ZBTB20: variants seen among roughly 807,000 people sequenced by gnomAD.
The protein encoded by ZBTB20 is zinc finger and BTB domain-containing protein 20.
In ZBTB20, 9 loss-of-function variants were observed where a neutral mutation model predicts 56.9. The observed-to-expected ratio is 0.16, with a 90% CI of 0.10 to 0.28. The LOEUF (loss-of-function observed/expected upper bound fraction) is 0.28. Ranked by LOEUF, ZBTB20 falls within the 10% of genes least tolerant of loss-of-function variation. The pLI, the probability that ZBTB20 is intolerant of heterozygous loss-of-function variation, is 1.00. For synonymous variants in ZBTB20, 417 were observed against 420.7 expected (o/e 0.99, Z 0.11); for missense variants, 655 against 1,003.0 (o/e 0.65, Z 4.69).
At chr3:114,679,353 CA>C (rs2061824805) in intron 6 of ZBTB20, among the ~76,000 whole-genome samples, 1 of 152,138 alleles carries the variant, frequency 6.6e-6, no homozygotes, top group African/African-American at 2.4e-5. Flanking sequence ...AGGCAACCTA[CA>C]AAATGGGAGA....
chr3:115,053,118 A>G (rs2081616157), intron 2 of ZBTB20, among the ~76,000 whole-genome samples: 2 of 152,222 alleles, frequency 1.3e-5, no homozygotes, highest in Middle Eastern at 3.2e-3. Flanking sequence ...TGTTAACCAC[A>G]GATAAAGAAG....
chr3:115,058,675 G>A (rs2081904207), intron 2 of ZBTB20, among the ~76,000 whole-genome samples: 1 of 152,256 alleles, frequency 6.6e-6, no homozygotes, highest in South Asian at 2.1e-4. Context: ...GTTGCAGTAA[G>A]CCACGATGTG....
At chr3:114,508,243 A>G (rs1370563629) in intron 6 of ZBTB20, among the ~76,000 whole-genome samples, 2 of 152,162 alleles carry the variant, frequency 1.3e-5, no homozygotes, top group African/African-American at 2.4e-5. Context: ...AAATCTAATA[A>G]CAGACTCACA....
intron 6 of ZBTB20, among the ~76,000 whole-genome samples, chr3:114,538,788 C>G (rs927836650): frequency 3.9e-5 from 6 of 152,114 alleles, no homozygotes; most frequent in Non-Finnish European, 8.8e-5. Flanking sequence ...TCAAAAGTAA[C>G]TTCTGCTATG....
chr3:115,089,111 G>A (rs2083093881), intron 1 of ZBTB20, among the ~76,000 whole-genome samples: 1 of 151,740 alleles, frequency 6.6e-6, no homozygotes, highest in Non-Finnish European at 1.5e-5. Flanking sequence ...AGTTTAATTA[G>A]CATTTAGTGG....
intron 10 of ZBTB20, among the ~76,000 whole-genome samples, chr3:114,359,696 T>A (rs528127451): frequency 6.6e-6 from 1 of 152,318 alleles, no homozygotes; most frequent in South Asian, 2.1e-4. Context: ...TATACAAAAA[T>A]GAACCAAAGG....
chr3:115,099,477 A>G (rs979725208), intron 1 of ZBTB20, among the ~76,000 whole-genome samples: 1 of 152,182 alleles, frequency 6.6e-6, no homozygotes, highest in Non-Finnish European at 1.5e-5. Context: ...AAGTTAGAAA[A>G]CAGAATACCT....
chr3:114,691,662 A>G (rs2063057815), intron 6 of ZBTB20, among the ~76,000 whole-genome samples: 1 of 152,058 alleles, frequency 6.6e-6, no homozygotes, highest in South Asian at 2.1e-4. Flanking sequence ...CATATTTCTT[A>G]GGTTAAATTT....
At chr3:114,956,333 G>A (rs750050589) in intron 3 of ZBTB20, among the ~76,000 whole-genome samples, 7 of 152,112 alleles carry the variant, frequency 4.6e-5, no homozygotes, top group Admixed American at 3.3e-4. Context: ...AGATGACAGC[G>A]GAAAATCCCC....
intron 6 of ZBTB20, among the ~76,000 whole-genome samples, chr3:114,658,062 T>C (rs2060510600): frequency 6.6e-6 from 1 of 152,124 alleles, no homozygotes; most frequent in Non-Finnish European, 1.5e-5. Context: ...TTTTTAACCT[T>C]AAAAAAATCA....
chr3:115,022,635 A>AAT (rs1452934340), intron 2 of ZBTB20, among the ~76,000 whole-genome samples: 1 of 150,944 alleles, frequency 6.6e-6, no homozygotes, highest in Non-Finnish European at 1.5e-5. Context: ...ATCTACTCCA[A>AAT]TTTGTTGTCC....
chr3:115,133,036 A>T (rs901390523), intron 1 of ZBTB20, among the ~76,000 whole-genome samples: 1 of 152,112 alleles, frequency 6.6e-6, no homozygotes, highest in Admixed American at 6.5e-5. Flanking sequence ...TTTACTATAT[A>T]ATCTTTAACA....
chr3:114,343,513 T>A (rs1009360667), intron 11 of ZBTB20, among the ~76,000 whole-genome samples: 1 of 152,086 alleles, frequency 6.6e-6, no homozygotes, highest in Non-Finnish European at 1.5e-5. Flanking sequence ...GGGTGCTTGA[T>A]GAGACAGCAG....
chr3:114,563,355 C>G (rs570290392), intron 6 of ZBTB20, among the ~76,000 whole-genome samples: 136 of 152,262 alleles, frequency 8.9e-4, no homozygotes, highest in African/African-American at 3.3e-3. Context: ...AAATAAGGTA[C>G]ATTATTAGCC....
chr3:114,932,863 A>G (rs1052808462), intron 3 of ZBTB20, among the ~76,000 whole-genome samples: 2 of 152,192 alleles, frequency 1.3e-5, no homozygotes, highest in African/African-American at 4.8e-5. Context: ...ATCTGCACTG[A>G]CCTTGCACCC....
chr3:114,645,716 A>G (rs914156111), intron 6 of ZBTB20, among the ~76,000 whole-genome samples: 1 of 152,236 alleles, frequency 6.6e-6, no homozygotes, highest in African/African-American at 2.4e-5. Flanking sequence ...GTATACTTTT[A>G]TTATGGAGAA....
intron 7 of ZBTB20, among the ~76,000 whole-genome samples, chr3:114,433,138 G>A (rs1241034632): frequency 2.0e-5 from 3 of 152,024 alleles, no homozygotes; most frequent in Non-Finnish European, 4.4e-5. Context: ...GGGAGACGAG[G>A]AAACAGAAAA....
At chr3:114,434,558 T>TTGTGTGTGTGTGTGTGTGTGTGTGTG (rs71146320) in intron 7 of ZBTB20, among the ~76,000 whole-genome samples, 2 of 145,942 alleles carry the variant, frequency 1.4e-5, no homozygotes, top group African/African-American at 5.1e-5. Context: ...GTGTGTGTGT[T>TTGTGTGTGTGTGTGTGTGTGTGTGTG]TGTGTGTGTG....
chr3:115,125,130 G>GT (rs1307223021), intron 1 of ZBTB20, among the ~76,000 whole-genome samples: 1 of 151,952 alleles, frequency 6.6e-6, no homozygotes, highest in Non-Finnish European at 1.5e-5. Context: ...ACTGCTTGAG[G>GT]TAAGAGTCTG....
Sources: allele counts gnomAD v4.1 joint callset (sites outside exome capture counted in the v4.1 genomes callset), GRCh38; gene constraint gnomAD v4.1.1; transcripts MANE v1.5; gene names NCBI Gene and HGNC (gene_info 2026-07-23, HGNC 2026-07-21).